PDE3B: variants seen among roughly 807,000 people sequenced by gnomAD.
PDE3B encodes the protein cGMP-inhibited 3',5'-cyclic phosphodiesterase 3B.
PDE3B carries 66 observed loss-of-function variants against 116.8 expected under a neutral mutation model. The ratio of observed to expected loss-of-function variants is 0.56; its 90% confidence interval spans 0.46 to 0.69. PDE3B has a LOEUF of 0.69. PDE3B is among the 30% of genes least tolerant of loss of function. PDE3B has a pLI of 0.00. For synonymous variants in PDE3B, 595 were observed against 533.6 expected (o/e 1.12, Z -1.59); for missense variants, 1,384 against 1,368.1 (o/e 1.01, Z -0.18).
the PDE3B span, among the ~76,000 whole-genome samples, chr11:14,888,080 C>A: frequency 1.3e-5 from 2 of 152,136 alleles, no homozygotes; most frequent in East Asian, 3.9e-4. Context: ...TGTCTTTGTT[C>A]AGATGCTATC....
intron 10 of PDE3B, among the ~76,000 whole-genome samples, chr11:14,833,227 A>G (rs1027292994): frequency 2.0e-5 from 3 of 152,196 alleles, no homozygotes; most frequent in Non-Finnish European, 2.9e-5. Context: ...TGCTGCGATT[A>G]TAGACGTCAG....
the PDE3B span, chr11:14,891,580 C>A: frequency 3.9e-6 from 4 of 1,036,418 alleles, no homozygotes; most frequent in South Asian, 3.5e-5. Flanking sequence ...CGACAAGCCG[C>A]GTGCAGCTTC....
intron 1 of PDE3B, among the ~76,000 whole-genome samples, chr11:14,689,176 T>A (rs1476978530): frequency 6.6e-6 from 1 of 152,226 alleles, no homozygotes; most frequent in East Asian, 1.9e-4. Flanking sequence ...TCTGAACAGA[T>A]ACGATGAAAA....
intron 1 of PDE3B, among the ~76,000 whole-genome samples, chr11:14,723,188 T>C (rs1015339684): frequency 3.3e-5 from 5 of 152,190 alleles, no homozygotes; most frequent in African/African-American, 1.2e-4. Context: ...CTTCAGACTT[T>C]AAAACCAAAT....
intron 1 of PDE3B, 61 bp from the exon 2 acceptor site, chr11:14,771,876 G>C: frequency 1.5e-6 from 1 of 650,190 alleles, no homozygotes; most frequent in Admixed American, 3.1e-5. Context: ...GCTGAATTTT[G>C]TCTTTACATA....
At chr11:14,734,106 C>T (rs1298530356) in intron 1 of PDE3B, among the ~76,000 whole-genome samples, 2 of 152,278 alleles carry the variant, frequency 1.3e-5, no homozygotes, top group Middle Eastern at 3.4e-3. Context: ...GGGTCTTGAT[C>T]TGCTGCCCAG....
rs145611861 is a variant in PDE3B at position 14,683,782 on chromosome 11, T to A, written c.978+38729T>A. ...TTAGATGATTGATTTTAGAGTTTTA[T>A]TCTTTTCTAATATAAGCATTAGCTT... On this transcript the variant is annotated intron_variant, in intron 1 of 15. Transcript: ENST00000282096. Among the ~76,000 whole-genome samples the A allele has an allele frequency of 2.4e-3, 359 of 152,306 alleles. 1 individual carries two copies. The highest frequency in any genetic ancestry group is 8.1e-3 in the African/African-American group (338 of 41,566).
intron 4 of PDE3B, among the ~76,000 whole-genome samples, chr11:14,802,255 G>A (rs1213070299): frequency 6.6e-6 from 1 of 152,104 alleles, no homozygotes; most frequent in African/African-American, 2.4e-5. Flanking sequence ...CCAGTTTTTT[G>A]CTTGAAACCC....
Position 14,772,059 on chromosome 11 carries a change from A to G in PDE3B, c.1029+72A>G, listed in dbSNP as rs1196085229. On this transcript the variant is annotated intron_variant, in intron 2 of 15. Coordinates refer to ENST00000282096, the MANE Select transcript of PDE3B (RefSeq NM_000922.4). ...ATCACTAAATAATATCTGTGATGCAACTTTTGACACTTAAAGTTACACTCA... is the reference window on the plus strand; with the variant it reads ...ATCACTAAATAATATCTGTGATGCAGCTTTTGACACTTAAAGTTACACTCA... 4.4e-6 allele frequency: 3 copies of G among 685,178 alleles called. No individual in the cohort carries two copies. In the Admixed American group the frequency reaches 8.2e-5, roughly 19 times the overall value. The allele number at this position is 685,178 out of a possible 1,614,324, so 42.4% of individuals were successfully genotyped here. A position where few individuals can be genotyped will look rare whatever the true frequency, so the allele number is the denominator to read the frequency against.
rs576251861 is a variant in PDE3B, at chr11:14,793,435, T to C, written c.1415+4193T>C. Among the ~76,000 whole-genome samples the C allele has an allele frequency of 2.0e-5, 3 of 152,340 alleles. No individual in the cohort carries two copies. The South Asian group carries it at 6.2e-4, about 32-fold the overall frequency. On this transcript the variant is annotated intron_variant, in intron 4 of 15. Transcript: ENST00000282096. Reference sequence around the variant, plus strand: ...TTGACTATATTTTAACTGTGACCCATCTCATGTGGTCAAGTGTGGAATTTT... The same window carrying C: ...TTGACTATATTTTAACTGTGACCCACCTCATGTGGTCAAGTGTGGAATTTT...
chr11:14,787,803 ACT>A (rs1224973016), intron 3 of PDE3B, among the ~76,000 whole-genome samples: 3 of 151,354 alleles, frequency 2.0e-5, no homozygotes, highest in Non-Finnish European at 4.4e-5. Context: ...AAATAAAATA[ACT>A]CTAATGTATT....
intron 1 of PDE3B, among the ~76,000 whole-genome samples, chr11:14,734,726 C>T (rs11826363): frequency 0.14 from 21,722 of 151,858 alleles, 2,285 homozygotes; most frequent in African/African-American, 0.3. Flanking sequence ...GAAATTTATT[C>T]GGTGGAAATC....
At chr11:14,666,057 A>G (rs1854133618) in intron 1 of PDE3B, among the ~76,000 whole-genome samples, 1 of 152,022 alleles carries the variant, frequency 6.6e-6, no homozygotes, top group Non-Finnish European at 1.5e-5. Context: ...ACTAACCAAA[A>G]CAGCATGGTA....
intron 1 of PDE3B, among the ~76,000 whole-genome samples, chr11:14,752,791 TA>T (rs2133877513): frequency 6.6e-6 from 1 of 152,280 alleles, no homozygotes; most frequent in Non-Finnish European, 1.5e-5. Flanking sequence ...AGGCTACTGT[TA>T]TTCAGTCACT....
At chr11:14,783,903 G>A (rs1039036312) in intron 2 of PDE3B, among the ~76,000 whole-genome samples, 2 of 152,208 alleles carry the variant, frequency 1.3e-5, no homozygotes, top group Non-Finnish European at 2.9e-5. Flanking sequence ...TCTGTGGCCT[G>A]TTAGGAACTG....
At chr11:14,662,186 C>G (rs1235833909) in intron 1 of PDE3B, among the ~76,000 whole-genome samples, 1 of 152,122 alleles carries the variant, frequency 6.6e-6, no homozygotes, top group Non-Finnish European at 1.5e-5. Flanking sequence ...CTGCTGTTAC[C>G]CAGGCAAACA....
At chr11:14,710,007 T>C (rs1855654687) in intron 1 of PDE3B, among the ~76,000 whole-genome samples, 1 of 152,216 alleles carries the variant, frequency 6.6e-6, no homozygotes, top group Admixed American at 6.5e-5. Context: ...GTCCATTAAG[T>C]CATTTGTCTT....
chr11:14,720,826 A>G (rs1856044880), intron 1 of PDE3B, among the ~76,000 whole-genome samples: 1 of 45,568 alleles, frequency 2.2e-5, no homozygotes, highest in Admixed American at 2.8e-4. Flanking sequence ...AAACCCTAGA[A>G]GAAAACCTAG....
At chr11:14,681,746 C>T (rs1054498833) in intron 1 of PDE3B, among the ~76,000 whole-genome samples, 1 of 152,070 alleles carries the variant, frequency 6.6e-6, no homozygotes, top group Non-Finnish European at 1.5e-5. Context: ...TGTGTGTTGG[C>T]TTTGTATTCT....
Sources: gnomAD v4.1 joint callset for allele counts (sites outside exome capture counted in the v4.1 genomes callset) on GRCh38, gnomAD v4.1.1 for gene constraint, MANE v1.5 for transcripts, NCBI Gene and HGNC (gene_info 2026-07-23, HGNC 2026-07-21) for gene names.